LARP1B: variants seen among roughly 807,000 people sequenced by gnomAD.
The protein encoded by LARP1B is La ribonucleoprotein 1B, also known as la-related protein 1B.
LARP1B carries 76 observed loss-of-function variants against 114.2 expected under a neutral mutation model. The ratio of observed to expected loss-of-function variants is 0.67; its 90% CI spans 0.55 to 0.81. The LOEUF is 0.81. Among genes scored for constraint, LARP1B ranks in the 30% least tolerant of loss-of-function variants. The pLI, the probability that LARP1B is intolerant of heterozygous loss-of-function variation, is 0.00. For missense variants in LARP1B, 1,014 were observed against 1,075.8 expected, an observed-to-expected ratio of 0.94 and a Z score of 0.80; for synonymous variants, 345 against 348.0, an observed-to-expected ratio of 0.99 and a Z score of 0.10.
intron 1 of LARP1B, among the ~76,000 whole-genome samples, chr4:128,063,702 C>T (rs1457108440): frequency 6.6e-6 from 1 of 151,470 alleles, no homozygotes; most frequent in Non-Finnish European, 1.5e-5. Flanking sequence ...TCGCTTGAAC[C>T]CGGGAGGCAG....
chr4:128,175,758 A>G (rs1745601562), intron 12 of LARP1B, among the ~76,000 whole-genome samples: 3 of 152,050 alleles, frequency 2.0e-5, no homozygotes, highest in African/African-American at 7.2e-5. Flanking sequence ...TCAGTGGTCA[A>G]ATTGTTTTAT....
rs148810694 is a variant in LARP1B, at chr4:128,184,973, T to C, written c.2003+5461T>C. Among the ~76,000 whole-genome samples the C allele has an allele frequency of 9.7e-4, 148 of 152,356 alleles. No individual in the cohort carries two copies. In the East Asian group the frequency reaches 0.012, roughly 12 times the overall value. On this transcript the variant is annotated intron_variant, in intron 15 of 19. Coordinates refer to ENST00000326639, the MANE Select transcript of LARP1B (RefSeq NM_018078.4). ...GTGTGTATGTTTATGTATGTGCCTA[T>C]GTATGTATGTGCATATATTTACACA...
At chr4:128,073,571 C>CTTTTTTTT (rs1491453447) in intron 1 of LARP1B, among the ~76,000 whole-genome samples, 2 of 49,138 alleles carry the variant, frequency 4.1e-5, no homozygotes, top group African/African-American at 6.6e-5. Flanking sequence ...ATATTGTTGT[C>CTTTTTTTT]GTTTTTTTTT....
rs555744419 is a variant in LARP1B at position 128,085,026 on chromosome 4, G to A, written c.358+2721G>A. ...CTACAGGCACATGCCACCACACCCGGCTAATTTTTAAATTTTTAGTAGAGA... is the reference window on the plus strand; with the variant it reads ...CTACAGGCACATGCCACCACACCCGACTAATTTTTAAATTTTTAGTAGAGA... On this transcript the variant is annotated intron_variant, in intron 5 of 19. Transcript: ENST00000326639. Among the ~76,000 whole-genome samples the A allele has an allele frequency of 2.0e-5, 3 of 152,056 alleles. No individual in the cohort carries two copies. The South Asian group carries it at 6.2e-4, about 32-fold the overall frequency.
chr4:128,127,969 A>G (rs539407497), intron 11 of LARP1B, among the ~76,000 whole-genome samples: 4 of 152,336 alleles, frequency 2.6e-5, no homozygotes, highest in Admixed American at 2.0e-4. Flanking sequence ...GAGCCCAGAA[A>G]TAAACATGTC....
chr4:128,191,005 CCT>C (rs2150787080), intron 15 of LARP1B, among the ~76,000 whole-genome samples: 1 of 152,158 alleles, frequency 6.6e-6, no homozygotes, highest in East Asian at 1.9e-4. Context: ...TTCTTTTTCT[CCT>C]CTGACTGTAT....
At chr4:128,190,304 C>T (rs191159554) in intron 15 of LARP1B, among the ~76,000 whole-genome samples, 2 of 152,144 alleles carry the variant, frequency 1.3e-5, no homozygotes, top group East Asian at 3.9e-4. Context: ...AAGTCTCTTG[C>T]CAAAAAAATC....
At chr4:128,071,513 C>G (rs949263407) in intron 1 of LARP1B, among the ~76,000 whole-genome samples, 1 of 151,368 alleles carries the variant, frequency 6.6e-6, no homozygotes, top group African/African-American at 2.4e-5. Flanking sequence ...CCTCCGTCTC[C>G]TGGGTTCAAG....
chr4:128,082,105 A>C (rs978853238), intron 4 of LARP1B, 60 bp from the exon 5 acceptor site: 17 of 1,504,808 alleles, frequency 1.1e-5, no homozygotes, highest in Non-Finnish European at 1.5e-5. Context: ...AGTGCTTTCA[A>C]ATTGCAAGGG....
intron 5 of LARP1B, among the ~76,000 whole-genome samples, chr4:128,083,911 G>C (rs544599297): frequency 1.3e-4 from 20 of 151,838 alleles, no homozygotes; most frequent in African/African-American, 4.6e-4. Context: ...CAGACGGGGC[G>C]GCTGCCGGGT....
chr4:128,202,798 G>A (rs534998726), intron 17 of LARP1B, among the ~76,000 whole-genome samples: 5 of 152,266 alleles, frequency 3.3e-5, no homozygotes, highest in African/African-American at 1.2e-4. Context: ...AGGAAGTAGT[G>A]GTTAAGCACC....
At chr4:128,213,577 T>C (rs956640523), downstream of LARP1B, among the ~76,000 whole-genome samples, 3 of 152,280 alleles carry the variant, frequency 2.0e-5, no homozygotes, top group Non-Finnish European at 2.9e-5. Flanking sequence ...TGCTATTTAA[T>C]GAAAAGAAAA....
chr4:128,196,128 G>A (rs1480835588), intron 15 of LARP1B, among the ~76,000 whole-genome samples: 2 of 151,518 alleles, frequency 1.3e-5, no homozygotes, highest in Non-Finnish European at 1.5e-5. Flanking sequence ...GTGGGCGCCT[G>A]TAGTCCCAGC....
intron 12 of LARP1B, among the ~76,000 whole-genome samples, chr4:128,167,668 C>T (rs1741723454): frequency 6.6e-6 from 1 of 151,962 alleles, no homozygotes; most frequent in Non-Finnish European, 1.5e-5. Flanking sequence ...GTAAGTTTCA[C>T]ACCATTTATG....
At chr4:128,107,874 T>A in intron 9 of LARP1B, 1 of 1,535,768 alleles carries the variant, frequency 6.5e-7, no homozygotes, top group South Asian at 1.2e-5. Flanking sequence ...GTGCTTAAAC[T>A]TTTTTCAGTC....
chr4:128,136,533 A>G (rs1725399336), intron 11 of LARP1B, among the ~76,000 whole-genome samples: 1 of 152,184 alleles, frequency 6.6e-6, no homozygotes, highest in Admixed American at 6.5e-5. Context: ...AGTTGGTAAA[A>G]CAAATCCACT....
At chr4:128,087,719 A>G (rs1397409219) in intron 5 of LARP1B, among the ~76,000 whole-genome samples, 1 of 152,200 alleles carries the variant, frequency 6.6e-6, no homozygotes, top group Non-Finnish European at 1.5e-5. Context: ...TGACTTTTAA[A>G]TTATAAAACT....
intron 8 of LARP1B, among the ~76,000 whole-genome samples, chr4:128,101,047 A>G (rs970875281): frequency 1.3e-5 from 2 of 149,838 alleles, no homozygotes; most frequent in East Asian, 2.0e-4. Flanking sequence ...TCGAACTTCT[A>G]TCTCAGGTGA....
At chr4:128,153,459 C>G (rs1186779927) in intron 11 of LARP1B, among the ~76,000 whole-genome samples, 1 of 151,998 alleles carries the variant, frequency 6.6e-6, no homozygotes, top group African/African-American at 2.4e-5. Context: ...GCGTGCACCA[C>G]CACGCCTGGC....
Sources: gnomAD v4.1 joint callset for allele counts (sites outside exome capture counted in the v4.1 genomes callset) on GRCh38, gnomAD v4.1.1 for gene constraint, MANE v1.5 for transcripts, NCBI Gene and HGNC (gene_info 2026-07-23, HGNC 2026-07-21) for gene names.